Variants in TMEM14C observed in about 807,000 individuals in gnomAD.
The protein encoded by TMEM14C is chromosome 6 open reading frame 53.
TMEM14C carries 13 observed loss-of-function variants against 14.8 expected under a neutral mutation model. That is an observed-to-expected ratio of 0.88 (90% CI 0.57 to 1.40). The LOEUF (loss-of-function observed/expected upper bound fraction) is 1.40, where lower values mean the gene tolerates loss of function less well. Ranked by LOEUF, TMEM14C falls within the 40% of genes most tolerant of loss-of-function variation. The pLI is 0.00. For synonymous variants in TMEM14C, 57 were observed against 51.3 expected (o/e 1.11, Z -0.48); for missense variants, 142 against 138.8 (o/e 1.02, Z -0.12).
At chr6:10,725,574 G>A (rs944154701) in intron 3 of TMEM14C, among the ~76,000 whole-genome samples, 2 of 152,124 alleles carry the variant, frequency 1.3e-5, no homozygotes. Flanking sequence ...GGTCCTGCCT[G>A]TACACAATTC....
Position 10,724,056 on chromosome 6 carries a change from T to G in TMEM14C, c.-44-514T>G, listed in dbSNP as rs576465321. 8.5e-5 allele frequency among the ~76,000 whole-genome samples: 13 copies of G among 152,330 alleles called. 1 individual carries two copies. The South Asian group carries it at 2.5e-3, about 29-fold the overall frequency. Reference sequence around the variant, plus strand: ...CACTGTTTCCGTATATTTTATCCTCTCCTACTACTGCCCTCCTAACAAGAA... The same window carrying G: ...CACTGTTTCCGTATATTTTATCCTCGCCTACTACTGCCCTCCTAACAAGAA... On this transcript the variant is annotated intron_variant, in intron 1 of 5. Coordinates refer to ENST00000229563, the MANE Select transcript of TMEM14C (RefSeq NM_016462.4).
At chr6:10,726,746 C>T (rs1260319287) in intron 4 of TMEM14C, among the ~76,000 whole-genome samples, 2 of 152,208 alleles carry the variant, frequency 1.3e-5, no homozygotes, top group Non-Finnish European at 2.9e-5. Flanking sequence ...CTGTAAGCAG[C>T]ACGGACAGTG....
chr6:10,730,859 A>C lies in TMEM14C; in HGVS notation c.*193A>C. ...CCTACAGAGGTGGCGAGTATGTAAC[A>C]CAAGAGCTTAATAAGACCCTCATAG... is the stretch of plus-strand genomic sequence containing the variant. On this transcript the variant is annotated 3_prime_UTR_variant, in exon 6 of 6. Transcript: ENST00000229563. 1 of 1,283,052 alleles carries C rather than the reference A, an allele frequency of 7.8e-7. No individual in the cohort carries two copies. The highest frequency in any genetic ancestry group is 9.9e-7 in the Non-Finnish European group (1 of 1,009,508). The allele number at this position is 1,283,052 out of a possible 1,614,324, so 79.5% of individuals were successfully genotyped here.
Position 10,726,019 on chromosome 6 carries a change from T to C in TMEM14C, c.199+11T>C. ...TTTGGGTTTTCCTAGGTATGTCTGC[T>C]TTGGCGTCTCCTTAGGGCAGCTATG... On this transcript the variant is annotated intron_variant, in intron 4 of 5. Coordinates refer to ENST00000229563, the MANE Select transcript of TMEM14C (RefSeq NM_016462.4). 1 of 1,613,986 alleles carries C rather than the reference T, an allele frequency of 6.2e-7. No individual in the cohort carries two copies.
chr6:10,728,943 C>T (rs1310160259), intron 5 of TMEM14C: 1 of 1,157,402 alleles, frequency 8.6e-7, no homozygotes, highest in African/African-American at 1.5e-5. Flanking sequence ...TGGGTTTGTT[C>T]TCATATTTGC....
At position 10,723,195 on chromosome 6, in the gene TMEM14C, C is replaced by G. The variant is rs1000743943; in HGVS notation, c.-91C>G. The G allele has an allele frequency of 4.6e-5, 7 of 152,348 alleles. No individual in the cohort carries two copies. The highest frequency in any genetic ancestry group is 8.8e-5 in the Non-Finnish European group (6 of 68,094). The allele number at this position is 152,348 out of a possible 1,614,324, so 9.4% of individuals were successfully genotyped here. A position where few individuals can be genotyped will look rare whatever the true frequency, so the allele number is the denominator to read the frequency against. On this transcript the variant is annotated 5_prime_UTR_variant, in exon 1 of 6. Transcript: ENST00000229563. ...TTCCGGCGACACCTCGCAGTCATTC[C>G]TGCGGCTTGCGCGCCCTTGTAGACA...
At chr6:10,723,767 A>AT (rs936362464) in intron 1 of TMEM14C, among the ~76,000 whole-genome samples, 3 of 151,612 alleles carry the variant, frequency 2.0e-5, no homozygotes, top group African/African-American at 7.3e-5. Flanking sequence ...TGCGCGATTA[A>AT]TTTTTTTATA....
At chr6:10,724,011 G>A (rs1410400949) in intron 1 of TMEM14C, among the ~76,000 whole-genome samples, 2 of 152,174 alleles carry the variant, frequency 1.3e-5, no homozygotes, top group African/African-American at 2.4e-5. Flanking sequence ...CAAGGGTGTA[G>A]TGTCACATGT....
rs532950065 is a variant in TMEM14C at position 10,730,986 on chromosome 6, ATTCCCTGCT to A, written c.*321_*329del. 4.3e-5 allele frequency: 44 copies of A among 1,027,278 alleles called. No individual in the cohort carries two copies. Among genetic ancestry groups the A allele is most frequent in the Non-Finnish European group, 5.1e-5 (44 of 857,336 alleles). 63.6% of individuals were successfully genotyped at this position (1,027,278 alleles called of 1,614,324 possible). A position where few individuals can be genotyped will look rare whatever the true frequency, so the allele number is the denominator to read the frequency against. On this transcript the variant is annotated 3_prime_UTR_variant, in exon 6 of 6. Coordinates refer to ENST00000229563, the MANE Select transcript of TMEM14C (RefSeq NM_016462.4). The stretch of plus-strand genomic sequence containing the variant: ...TCAGCTTTCAGGGCTCTGAAACCCC[ATTCCCTGCT>A]CTGAGGAACAGTGTGAAAAAAAGTC...
At position 10,730,630 on chromosome 6, in the gene TMEM14C, C is replaced by T. The variant is rs756734632; in HGVS notation, c.303C>T (p.Ala101=). 8.1e-6 allele frequency: 13 copies of T among 1,611,960 alleles called. No homozygotes were observed. Among genetic ancestry groups the T allele is most frequent in the Non-Finnish European group, 1.1e-5 (13 of 1,178,766 alleles). The change falls in exon 6 of 6, where the codon GCC becomes GCT. Residue 101 remains alanine (A), a synonymous_variant. Transcript: ENST00000229563. ...TTTTAAACAGTTTGCTGATGGTCGC[C>T]AAAGTTGGAGTTAGTATGTTCAACA... ...LIAGASLLMV[A]KVGVSMFNRP...
At chr6:10,727,447 C>T (rs1379047777) in intron 4 of TMEM14C, among the ~76,000 whole-genome samples, 1 of 151,900 alleles carries the variant, frequency 6.6e-6, no homozygotes, top group Non-Finnish European at 1.5e-5. Flanking sequence ...TCAAGCAATT[C>T]TCCTATCTCA....
chr6:10,725,954 G>C lies in TMEM14C; in HGVS notation c.145G>C (p.Gly49Arg). The change falls in exon 4 of 6, where the codon GGC (glycine) becomes CGC (arginine). Residue 49 changes from glycine (G) to arginine (R), a missense_variant. Physicochemically the swap from Gly to Arg is moderately radical, Grantham distance 125 (BLOSUM62 -2). Transcript: ENST00000229563. ...AGGGCTGCTCTTTGGCAGTCTAGCC[G>C]GCCTGGGTGCTTACCAGCTGTCTCA... ...AAGLLFGSLA[G>R]LGAYQLSQDP... 2.5e-6 allele frequency: 4 copies of C among 1,614,082 alleles called. No individual in the cohort carries two copies. Among genetic ancestry groups the C allele is most frequent in the Non-Finnish European group, 3.4e-6 (4 of 1,180,020 alleles).
chr6:10,724,805 G>T (rs894832664), intron 2 of TMEM14C, among the ~76,000 whole-genome samples, 156 bp from the exon 3 acceptor site: 3 of 152,190 alleles, frequency 2.0e-5, no homozygotes, highest in Non-Finnish European at 1.5e-5. Flanking sequence ...TGGCTTTGCT[G>T]AGTTGTGTGA....
intron 4 of TMEM14C, 26 bp from the exon 5 acceptor site, chr6:10,728,614 A>G (rs1167345272): frequency 6.2e-7 from 1 of 1,611,582 alleles, no homozygotes; most frequent in Non-Finnish European, 8.5e-7. Context: ...ATGAGTTTTA[A>G]CACTTCTTTA....
rs139375962 is a variant in TMEM14C, at chr6:10,723,312, G to A, written c.-45+71G>A. 9 of 152,324 alleles carry A rather than the reference G, an allele frequency of 5.9e-5. No individual in the cohort carries two copies. The East Asian group carries it at 1.5e-3, about 26-fold the overall frequency. 9.4% of individuals were successfully genotyped at this position (152,324 alleles called of 1,614,324 possible). A position where few individuals can be genotyped will look rare whatever the true frequency, so the allele number is the denominator to read the frequency against. On this transcript the variant is annotated intron_variant, in intron 1 of 5. Coordinates refer to ENST00000229563, the MANE Select transcript of TMEM14C (RefSeq NM_016462.4). ...TTTAGGGATTATTTAGGAGTTTCAC[G>A]GCCGTCTGCTTTTCGTCCCCCCGAT...
chr6:10,729,842 A>G (rs192782396), intron 5 of TMEM14C, among the ~76,000 whole-genome samples: 46 of 152,282 alleles, frequency 3.0e-4, no homozygotes, highest in African/African-American at 7.9e-4. Flanking sequence ...TCATGCCTAC[A>G]ATCCCAGCAC....
At chr6:10,724,893 C>T (rs968136862) in intron 2 of TMEM14C, 68 bp from the exon 3 acceptor site, 19 of 1,568,200 alleles carry the variant, frequency 1.2e-5, no homozygotes, top group Middle Eastern at 1.7e-4. Flanking sequence ...CTTTTAGTCC[C>T]ATCCTATGAC....
chr6:10,729,100 A>G (rs183981266), intron 5 of TMEM14C, among the ~76,000 whole-genome samples: 292 of 152,232 alleles, frequency 1.9e-3, no homozygotes, highest in Non-Finnish European at 3.1e-3. Flanking sequence ...AAATTTTGCT[A>G]AAAGAGAATT....
In TMEM14C at chr6:10,730,732, A is replaced by G. The variant is rs1046054; in HGVS notation, c.*66A>G. On this transcript the variant is annotated 3_prime_UTR_variant, in exon 6 of 6. Coordinates refer to ENST00000229563, the MANE Select transcript of TMEM14C (RefSeq NM_016462.4). ...ATCTGCATCTTCCACTATTTTCAATATATTAAGAGAAATAAGTGCAGCATT... is the reference window on the plus strand; with the variant it reads ...ATCTGCATCTTCCACTATTTTCAATGTATTAAGAGAAATAAGTGCAGCATT... 6.7e-7 allele frequency: 1 copy of G among 1,503,632 alleles called. No homozygotes were observed. The highest frequency in any genetic ancestry group is 1.3e-5 in the South Asian group (1 of 75,254). The allele number at this position is 1,503,632 out of a possible 1,614,324, so 93.1% of individuals were successfully genotyped here.
Sources: gnomAD v4.1 joint callset for allele counts (sites outside exome capture counted in the v4.1 genomes callset) on GRCh38, gnomAD v4.1.1 for gene constraint, MANE v1.5 for transcripts, NCBI Gene and HGNC (gene_info 2026-07-23, HGNC 2026-07-21) for gene names.